The following LMO3 variants were observed in gnomAD, a reference collection of about 807,000 sequenced individuals.
LMO3 encodes LIM domain only protein 3.
A neutral mutation model predicts 15.8 loss-of-function variants in LMO3; 2 were observed. The observed-to-expected ratio is 0.13, with a 90% CI of 0.05 to 0.40. LMO3 has a LOEUF of 0.40. LMO3 is among the 10% of genes least tolerant of loss of function. The pLI is 0.99. For missense variants in LMO3, 86 were observed against 182.2 expected, an observed-to-expected ratio of 0.47 and a Z score of 3.04; for synonymous variants, 62 against 63.8, an observed-to-expected ratio of 0.97 and a Z score of 0.13.
At chr12:16,608,431 AT>A (rs1944070200), upstream of LMO3, 1 of 152,130 alleles carries the variant, frequency 6.6e-6, no homozygotes, top group Non-Finnish European at 1.5e-5. This position sits in a 1 kb window ranked among gnomAD's most constrained non-coding sequence, Gnocchi z 4.1. Context: ...CTTTGTTTAA[AT>A]CATTCAACTA....
rs1419915807 is a variant in LMO3 at position 16,587,257 on chromosome 12, A to G, written c.206+13398T>C. On this transcript the variant is annotated intron_variant, in intron 2 of 3. Coordinates refer to ENST00000537304, the MANE Select transcript of LMO3 (RefSeq NM_018640.5). The surrounding 1 kb of genome is among the most constrained non-coding windows in gnomAD (Gnocchi z 4.3). The stretch of plus-strand genomic sequence containing the variant: ...AACAGCTCTGACTATCCATTTTAAG[A>G]AAATCACTGGGTGTGCCTAGGATCC... 6.6e-6 allele frequency among the ~76,000 whole-genome samples: 1 copy of G among 152,222 alleles called. No individual in the cohort carries two copies. The highest frequency in any genetic ancestry group is 1.5e-5 in the Non-Finnish European group (1 of 68,032).
rs746697540 is a variant in LMO3 at position 16,560,404 on chromosome 12, C to T, written c.332+9G>A. 26 of 1,610,592 alleles carry T rather than the reference C, an allele frequency of 1.6e-5. No homozygotes were observed. Among genetic ancestry groups the T allele is most frequent in the East Asian group, 2.2e-5 (1 of 44,800 alleles). On this transcript the variant is annotated intron_variant, in intron 3 of 3. Transcript: ENST00000537304. This position sits in a 1 kb window ranked among gnomAD's most constrained non-coding sequence, Gnocchi z 5.0. ...CCATTTCTTAGAGACCAAAAAGAGA[C>T]CTGCTTACCTCTGATTACAAAGCTG...
At chr12:16,561,846 G>A (rs753726104) in intron 2 of LMO3, among the ~76,000 whole-genome samples, 12 of 152,146 alleles carry the variant, frequency 7.9e-5, no homozygotes, top group Non-Finnish European at 1.2e-4. Flanking sequence ...GAGCATAAGC[G>A]CCTTGAAGGT....
rs1330698011 is a variant in LMO3 at position 16,596,085 on chromosome 12, A to T, written c.206+4570T>A. Reference sequence around the variant, plus strand: ...TACCAATATAAAGCTGACCTTACATAAAAATTTAGAAGCACCAGGTTTGAT... The same window carrying T: ...TACCAATATAAAGCTGACCTTACATTAAAATTTAGAAGCACCAGGTTTGAT... On this transcript the variant is annotated intron_variant, in intron 2 of 3. Transcript: ENST00000537304. This position sits in a 1 kb window ranked among gnomAD's most constrained non-coding sequence, Gnocchi z 4.3. Among the ~76,000 whole-genome samples the T allele has an allele frequency of 6.6e-6, 1 of 151,548 alleles. No individual in the cohort carries two copies. The highest frequency in any genetic ancestry group is 1.5e-5 in the Non-Finnish European group (1 of 67,584).
At chr12:16,609,640 T>C (rs1189922839), upstream of LMO3, 1 of 152,076 alleles carries the variant, frequency 6.6e-6, no homozygotes, top group African/African-American at 2.4e-5. Flanking sequence ...AGGGGTCTTA[T>C]ATTGTGATAC....
chr12:16,569,963 G>T (rs1303934963), intron 2 of LMO3, among the ~76,000 whole-genome samples: 3 of 152,042 alleles, frequency 2.0e-5, no homozygotes, highest in African/African-American at 7.2e-5. Flanking sequence ...ATGAAGGAAA[G>T]GCCAATCAGC....
chr12:16,605,501 T>A (rs1053583716), intron 1 of LMO3: 3 of 386,202 alleles, frequency 7.8e-6, no homozygotes, highest in Non-Finnish European at 1.1e-5. Flanking sequence ...CAACATTTTG[T>A]TATTATGGCT....
chr12:16,565,304 T>A (rs1009699785), intron 2 of LMO3, among the ~76,000 whole-genome samples: 2 of 152,240 alleles, frequency 1.3e-5, no homozygotes, highest in Non-Finnish European at 2.9e-5. Flanking sequence ...TTTTCACAGA[T>A]TGAAGGACAA....
Position 16,584,920 on chromosome 12 carries a change from G to C in LMO3, c.206+15735C>G, listed in dbSNP as rs575381400. Among the ~76,000 whole-genome samples, 6 of 152,194 alleles carry C rather than the reference G, an allele frequency of 3.9e-5. No homozygotes were observed. In the South Asian group the frequency reaches 1.0e-3, roughly 26 times the overall value. On this transcript the variant is annotated intron_variant, in intron 2 of 3. Transcript: ENST00000537304. This position sits in a 1 kb window ranked among gnomAD's most constrained non-coding sequence, Gnocchi z 5.2. Reference sequence around the variant, plus strand: ...ACCTTAGCGAACTGTACACATTAAAGGGCCTGATCAGTTATCTGAAACCAG... The same window carrying C: ...ACCTTAGCGAACTGTACACATTAAACGGCCTGATCAGTTATCTGAAACCAG...
chr12:16,605,440 C>A (rs1406371637), intron 1 of LMO3: 55 of 715,896 alleles, frequency 7.7e-5, no homozygotes, highest in Middle Eastern at 7.0e-4. Flanking sequence ...CCGCCTGCCC[C>A]CCCCCCCCGC....
At chr12:16,602,143 T>C (rs2137712531) in intron 1 of LMO3, 1 of 152,350 alleles carries the variant, frequency 6.6e-6, no homozygotes, top group East Asian at 1.9e-4. Flanking sequence ...CTCCTAGGCA[T>C]AAAGTTTTAA....
chr12:16,604,381 A>G lies in LMO3; in HGVS notation c.-9+1685T>C, dbSNP rs1310900751. On this transcript the variant is annotated intron_variant, in intron 1 of 3. Coordinates refer to ENST00000537304, the MANE Select transcript of LMO3 (RefSeq NM_018640.5). The surrounding 1 kb of genome is among the most constrained non-coding windows in gnomAD (Gnocchi z 5.3). ...CCCCCCTCCCCTTTTTGAGCAATGG[A>G]GCTGGGAACCAATTTGATTCCCTTT... Among the ~76,000 whole-genome samples the G allele has an allele frequency of 6.7e-6, 1 of 149,404 alleles. No homozygotes were observed. Among genetic ancestry groups the G allele is most frequent in the Admixed American group, 6.6e-5 (1 of 15,044 alleles).
rs994517385 is a variant in LMO3 at position 16,586,551 on chromosome 12, C to T, written c.206+14104G>A. ...TATAATATTGTCAGATTCAGGCCAA[C>T]TGAATTCTGGAGGACATATGCAAAG... On this transcript the variant is annotated intron_variant, in intron 2 of 3. Coordinates refer to ENST00000537304, the MANE Select transcript of LMO3 (RefSeq NM_018640.5). This position sits in a 1 kb window ranked among gnomAD's most constrained non-coding sequence, Gnocchi z 4.3. Among the ~76,000 whole-genome samples, 2 of 152,154 alleles carry T rather than the reference C, an allele frequency of 1.3e-5. No homozygotes were observed. The highest frequency in any genetic ancestry group is 2.9e-5 in the Non-Finnish European group (2 of 68,032).
intron 2 of LMO3, among the ~76,000 whole-genome samples, chr12:16,563,462 A>G (rs1942476342): frequency 6.6e-6 from 1 of 152,192 alleles, no homozygotes; most frequent in African/African-American, 2.4e-5. Flanking sequence ...ATGTCAATTA[A>G]GCATAAGACA....
intron 2 of LMO3, among the ~76,000 whole-genome samples, chr12:16,577,496 C>T (rs1943031046): frequency 6.6e-6 from 1 of 152,156 alleles, no homozygotes; most frequent in Non-Finnish European, 1.5e-5. Context: ...CTCCCTCCTT[C>T]TACCCTCCAG....
At position 16,605,725 on chromosome 12, in the gene LMO3, G is replaced by A. The variant is rs779254789; in HGVS notation, c.-9+341C>T. The A allele has an allele frequency of 7.9e-6, 12 of 1,512,446 alleles. No homozygotes were observed. In the African/African-American group the frequency reaches 1.7e-4, roughly 21 times the overall value. The allele number at this position is 1,512,446 out of a possible 1,614,324, so 93.7% of individuals were successfully genotyped here. ...CGGGAGTCAGGGGTGTGGAAATACT[G>A]CAGTTCATGGTGAACTTTGACTATT... On this transcript the variant is annotated intron_variant, in intron 1 of 3. Transcript: ENST00000537304.
chr12:16,558,230 G>A (rs1184661720), intron 3 of LMO3, among the ~76,000 whole-genome samples: 1 of 151,974 alleles, frequency 6.6e-6, no homozygotes, highest in Non-Finnish European at 1.5e-5. Flanking sequence ...AACATGTATG[G>A]CTGGCTATAT....
In LMO3 at chr12:16,582,171, T is replaced by G. The variant is rs1943181395; in HGVS notation, c.206+18484A>C. Among the ~76,000 whole-genome samples, 1 of 152,202 alleles carries G rather than the reference T, an allele frequency of 6.6e-6. No homozygotes were observed. Among genetic ancestry groups the G allele is most frequent in the Non-Finnish European group, 1.5e-5 (1 of 68,012 alleles). ...TATTTAACTGGTTTCTTCCTGTTTC[T>G]CTTTATTTGGAAGTTTTGAAATGGC... On this transcript the variant is annotated intron_variant, in intron 2 of 3. Coordinates refer to ENST00000537304, the MANE Select transcript of LMO3 (RefSeq NM_018640.5). This position sits in a 1 kb window ranked among gnomAD's most constrained non-coding sequence, Gnocchi z 4.1.
rs1268983300 is a variant in LMO3 at position 16,576,288 on chromosome 12, GTCT to G, written c.207-15753_207-15751del. 2.6e-5 allele frequency among the ~76,000 whole-genome samples: 4 copies of G among 152,098 alleles called. No individual in the cohort carries two copies. Among genetic ancestry groups the G allele is most frequent in the Non-Finnish European group, 5.9e-5 (4 of 68,026 alleles). On this transcript the variant is annotated intron_variant, in intron 2 of 3. Coordinates refer to ENST00000537304, the MANE Select transcript of LMO3 (RefSeq NM_018640.5). This position sits in a 1 kb window ranked among gnomAD's most constrained non-coding sequence, Gnocchi z 4.1. Reference sequence around the variant, plus strand: ...GAAGCATGAAAGGTCCATCCTGTCTGTCTTCTTTTCTGTCTTCTATCCCATCAC... The same window carrying G: ...GAAGCATGAAAGGTCCATCCTGTCTGTCTTTTCTGTCTTCTATCCCATCAC...
Sources: gnomAD v4.1 joint callset for allele counts (sites outside exome capture counted in the v4.1 genomes callset) on GRCh38, gnomAD v4.1.1 for gene constraint, Gnocchi (gnomAD v3.1) non-coding constraint, MANE v1.5 for transcripts, NCBI Gene and HGNC (gene_info 2026-07-23, HGNC 2026-07-21) for gene names.